Variants in RBFOX1 observed in about 807,000 individuals in gnomAD.
RBFOX1 encodes the protein RNA binding fox-1 homolog 1, also known as RNA binding protein fox-1 homolog 1.
In RBFOX1, 8 loss-of-function variants were observed where a neutral mutation model predicts 57.7. That is an observed-to-expected ratio of 0.14 (90% CI 0.08 to 0.25). The LOEUF (loss-of-function observed/expected upper bound fraction) is 0.25, where lower values mean the gene tolerates loss of function less well. Ranked by LOEUF, RBFOX1 falls within the 10% of genes least tolerant of loss-of-function variation. The pLI is 1.00. For missense variants in RBFOX1, 611 were observed against 548.5 expected (o/e 1.11, Z -1.14); for synonymous variants, 326 against 222.4 (o/e 1.47, Z -4.15).
intron 4 of RBFOX1, among the ~76,000 whole-genome samples, chr16:7,297,042 C>A (rs1427680650): frequency 6.6e-6 from 1 of 152,126 alleles, no homozygotes; most frequent in African/African-American, 2.4e-5. Context: ...AGCTTGCACT[C>A]CATGGGAGCC....
rs1217310220 is a variant in RBFOX1, at chr16:7,388,911, T to C, written c.28-129236T>C. 3.3e-5 allele frequency among the ~76,000 whole-genome samples: 5 copies of C among 152,256 alleles called. No individual in the cohort carries two copies. In the South Asian group the frequency reaches 6.2e-4, roughly 19 times the overall value. On this transcript the variant is annotated intron_variant, in intron 4 of 15. Coordinates refer to ENST00000550418, the MANE Select transcript of RBFOX1 (RefSeq NM_018723.4). ...ATATTTTCAACTCACGATGAGTTTA[T>C]AGGGACATAACCATATCATAAGTCA...
chr16:6,306,628 T>C (rs187800130), intron 1 of RBFOX1, among the ~76,000 whole-genome samples: 2 of 152,284 alleles, frequency 1.3e-5, no homozygotes, highest in Admixed American at 1.3e-4. Flanking sequence ...TTCCTCTTGG[T>C]CAGAAGAACT....
chr16:7,196,164 A>G (rs1354101310), intron 4 of RBFOX1, among the ~76,000 whole-genome samples: 4 of 152,284 alleles, frequency 2.6e-5, no homozygotes, highest in East Asian at 1.9e-4. Flanking sequence ...GCTTGGCCCA[A>G]TAATTTTGAA....
At chr16:7,443,155 A>C (rs982241147) in intron 4 of RBFOX1, among the ~76,000 whole-genome samples, 10 of 152,180 alleles carry the variant, frequency 6.6e-5, no homozygotes, top group African/African-American at 2.4e-4. Context: ...TGTTTCTAAC[A>C]CCCGTCAATT....
At chr16:7,472,176 G>A (rs116977807) in intron 4 of RBFOX1, among the ~76,000 whole-genome samples, 1 of 152,150 alleles carries the variant, frequency 6.6e-6, no homozygotes, top group Non-Finnish European at 1.5e-5. Flanking sequence ...GAGAAGCATA[G>A]CTTCTCTTTT....
intron 1 of RBFOX1, among the ~76,000 whole-genome samples, chr16:6,192,595 A>C (rs957282984): frequency 2.6e-5 from 4 of 152,130 alleles, no homozygotes; most frequent in Admixed American, 6.5e-5. Context: ...TATGATAGAA[A>C]ATGGTATGCA....
intron 4 of RBFOX1, among the ~76,000 whole-genome samples, chr16:7,363,823 A>G (rs62014059): frequency 1.3e-5 from 2 of 152,058 alleles, no homozygotes; most frequent in Non-Finnish European, 2.9e-5. Context: ...ATCTCCCGTC[A>G]GTCTTCTTGA....
chr16:5,792,277 CCTTT>C (rs770894380), intron 3 of RBFOX1, among the ~76,000 whole-genome samples: 1 of 152,100 alleles, frequency 6.6e-6, no homozygotes, highest in Non-Finnish European at 1.5e-5. Flanking sequence ...CTCTGTAATC[CCTTT>C]CTAAGTTCTC....
chr16:5,252,396 C>T (rs1268779604), intron 1 of RBFOX1, among the ~76,000 whole-genome samples: 3 of 152,180 alleles, frequency 2.0e-5, no homozygotes, highest in Non-Finnish European at 4.4e-5. Context: ...TGTTGTTTAT[C>T]TGCAATTCAA....
chr16:5,950,186 C>G (rs1025153387), intron 4 of RBFOX1, among the ~76,000 whole-genome samples: 1 of 152,124 alleles, frequency 6.6e-6, no homozygotes, highest in Admixed American at 6.5e-5. Flanking sequence ...AAGTGTGAGG[C>G]CTCTTGTTAA....
intron 4 of RBFOX1, among the ~76,000 whole-genome samples, chr16:7,120,590 A>T (rs1388372166): frequency 6.6e-6 from 1 of 151,812 alleles, no homozygotes; most frequent in Admixed American, 6.6e-5. Context: ...AACAAACAGG[A>T]TAAGCTAAAT....
At chr16:6,708,636 A>T (rs945270916) in intron 3 of RBFOX1, among the ~76,000 whole-genome samples, 1 of 152,220 alleles carries the variant, frequency 6.6e-6, no homozygotes, top group Non-Finnish European at 1.5e-5. Flanking sequence ...ATTTGCTATG[A>T]CAAATCTGCC....
At chr16:6,947,157 A>G (rs772417073) in intron 3 of RBFOX1, among the ~76,000 whole-genome samples, 1 of 152,288 alleles carries the variant, frequency 6.6e-6, no homozygotes, top group East Asian at 1.9e-4. Flanking sequence ...TTCAAGGTCC[A>G]ATAAATCACT....
chr16:7,549,149 G>A (rs1167593657), intron 5 of RBFOX1, among the ~76,000 whole-genome samples: 1 of 152,250 alleles, frequency 6.6e-6, no homozygotes, highest in Non-Finnish European at 1.5e-5. Flanking sequence ...CCAGAGAGAA[G>A]AGCTGGCATA....
At chr16:7,704,150 A>T (rs1366199278) in intron 14 of RBFOX1, among the ~76,000 whole-genome samples, 2 of 152,200 alleles carry the variant, frequency 1.3e-5, no homozygotes, top group African/African-American at 2.4e-5. Flanking sequence ...TAAAAGCAGA[A>T]CTCAAACCTG....
intron 3 of RBFOX1, among the ~76,000 whole-genome samples, chr16:6,899,141 A>G (rs377059070): frequency 6.7e-5 from 10 of 149,082 alleles, no homozygotes; most frequent in African/African-American, 2.4e-4. Context: ...ATATGTGTGT[A>G]TGGACACACG....
chr16:7,277,879 T>C (rs148527457), intron 4 of RBFOX1, among the ~76,000 whole-genome samples: 1 of 152,082 alleles, frequency 6.6e-6, no homozygotes, highest in African/African-American at 2.4e-5. Context: ...AGAGACATTC[T>C]TATTACAGAA....
At chr16:5,706,846 C>G (rs916131480) in intron 3 of RBFOX1, among the ~76,000 whole-genome samples, 1 of 150,340 alleles carries the variant, frequency 6.7e-6, no homozygotes, top group Non-Finnish European at 1.5e-5. Context: ...GAGGGCATGG[C>G]TTTTTTTTTG....
intron 2 of RBFOX1, among the ~76,000 whole-genome samples, chr16:5,540,347 T>C (rs1263366326): frequency 6.6e-6 from 1 of 152,204 alleles, no homozygotes; most frequent in Non-Finnish European, 1.5e-5. Flanking sequence ...AGATTATGTA[T>C]ACTATGAAAT....
Sources: gnomAD v4.1 joint callset for allele counts (sites outside exome capture counted in the v4.1 genomes callset) on GRCh38, gnomAD v4.1.1 for gene constraint, MANE v1.5 for transcripts, NCBI Gene and HGNC (gene_info 2026-07-23, HGNC 2026-07-21) for gene names.